The following ATP7B variants were observed in gnomAD, a reference collection of about 807,000 sequenced individuals.
The protein encoded by ATP7B is copper-transporting ATPase 2.
ATP7B carries 113 observed loss-of-function variants against 118.9 expected under a neutral mutation model. The ratio of observed to expected loss-of-function variants is 0.95; its 90% CI spans 0.82 to 1.11. The LOEUF (loss-of-function observed/expected upper bound fraction) is 1.11. Ranked by LOEUF, ATP7B falls within the 50% of genes most tolerant of loss-of-function variation. ATP7B has a pLI of 0.00. For missense variants in ATP7B, 1,867 were observed against 1,871.4 expected, an observed-to-expected ratio of 1.00 and a Z score of 0.04; for synonymous variants, 777 against 727.4, an observed-to-expected ratio of 1.07 and a Z score of -1.10.
intron 1 of ATP7B, among the ~76,000 whole-genome samples, chr13:51,992,443 C>T (rs1952961600): frequency 6.6e-6 from 1 of 152,152 alleles, no homozygotes; most frequent in African/African-American, 2.4e-5. Context: ...ACTGATGATA[C>T]CTACTAAAGT....
intron 1 of ATP7B, among the ~76,000 whole-genome samples, chr13:52,011,084 GT>G (rs1457256066): frequency 6.6e-6 from 1 of 152,224 alleles, no homozygotes; most frequent in African/African-American, 2.4e-5. Flanking sequence ...GAGGTGCGGG[GT>G]TTTCCATTGC....
chr13:51,944,386 G>T, intron 13 of ATP7B, 95 bp from the exon 14 acceptor site: 1 of 1,495,086 alleles, frequency 6.7e-7, no homozygotes, highest in South Asian at 1.2e-5. Flanking sequence ...ACCTGCCTCA[G>T]ACAGGAAACA....
chr13:52,011,223 C>G, intron 1 of ATP7B, 64 bp downstream of exon 1: 1 of 1,613,290 alleles, frequency 6.2e-7, no homozygotes, highest in Non-Finnish European at 8.5e-7. Context: ...GCGCCGAACG[C>G]GGGGAGGAAA....
rs1175007854 is a variant in ATP7B at position 51,933,855 on chromosome 13, T to G, written c.*901A>C. 6.6e-6 allele frequency: 1 copy of G among 152,096 alleles called. No homozygotes were observed. Among genetic ancestry groups the G allele is most frequent in the Non-Finnish European group, 1.5e-5 (1 of 68,104 alleles). The allele number at this position is 152,096 out of a possible 1,614,324, so 9.4% of individuals were successfully genotyped here. A position where few individuals can be genotyped will look rare whatever the true frequency, so the allele number is the denominator to read the frequency against. On this transcript the variant is annotated 3_prime_UTR_variant, in exon 21 of 21. Coordinates refer to ENST00000242839, the MANE Select transcript of ATP7B (RefSeq NM_000053.4). The stretch of plus-strand genomic sequence containing the variant: ...GGCAAACGTTTCAAGCACCACAGGC[T>G]GGGCAGGGATATGGAAGGACGTCCT...
chr13:51,971,962 T>A (rs2140010545), intron 2 of ATP7B, among the ~76,000 whole-genome samples: 1 of 152,362 alleles, frequency 6.6e-6, no homozygotes, highest in East Asian at 1.9e-4. Context: ...CTCCCTACAG[T>A]ACCGAGCTCC....
intron 6 of ATP7B, among the ~76,000 whole-genome samples, chr13:51,961,442 TA>T (rs1223722446): frequency 6.6e-6 from 1 of 152,026 alleles, no homozygotes; most frequent in Non-Finnish European, 1.5e-5. Flanking sequence ...CCCATGCAAA[TA>T]AAGTCTGAAA....
At chr13:51,980,577 A>C (rs1566620969) in intron 1 of ATP7B, among the ~76,000 whole-genome samples, 1 of 152,258 alleles carries the variant, frequency 6.6e-6, no homozygotes, top group Non-Finnish European at 1.5e-5. Context: ...TGAAGAAATC[A>C]GAAACTGGGT....
At chr13:51,937,442 C>T (rs568274359) in intron 18 of ATP7B, 34 bp downstream of exon 18, 1 of 1,614,160 alleles carries the variant, frequency 6.2e-7, no homozygotes, top group Non-Finnish European at 8.5e-7. Flanking sequence ...CATTGCCCTC[C>T]CAGCACCCAC....
chr13:51,957,766 C>T (rs945644559), intron 8 of ATP7B, 159 bp from the exon 9 acceptor site: 8 of 673,958 alleles, frequency 1.2e-5, no homozygotes, highest in Admixed American at 2.1e-5. Flanking sequence ...TTGCTATCCA[C>T]CACACATGGC....
intron 5 of ATP7B, among the ~76,000 whole-genome samples, chr13:51,963,407 T>G (rs1958877679): frequency 6.6e-6 from 1 of 152,150 alleles, no homozygotes; most frequent in Non-Finnish European, 1.5e-5. Flanking sequence ...GGTGGGGCCC[T>G]GGACCATCAG....
At chr13:51,954,120 T>C (rs9535805) in intron 9 of ATP7B, among the ~76,000 whole-genome samples, 1 of 152,134 alleles carries the variant, frequency 6.6e-6, no homozygotes, top group African/African-American at 2.4e-5. Flanking sequence ...GCAACTTCCA[T>C]GCTGAGCCCT....
rs769198765 is a variant in ATP7B, at chr13:51,942,368, G to T, written c.3412+18C>A. Reference sequence around the variant, plus strand: ...ACCTCTACTTTTAACCAGCTGCAGAGACAAAAGCCAGCAATACCTTTTTCT... The same window carrying T: ...ACCTCTACTTTTAACCAGCTGCAGATACAAAAGCCAGCAATACCTTTTTCT... On this transcript the variant is annotated intron_variant, in intron 15 of 20. Coordinates refer to ENST00000242839, the MANE Select transcript of ATP7B (RefSeq NM_000053.4). 11 of 1,613,706 alleles carry T rather than the reference G, an allele frequency of 6.8e-6. No individual in the cohort carries two copies. In the East Asian group the frequency reaches 1.8e-4, roughly 26 times the overall value.
At chr13:51,985,234 A>C (rs1025858419) in intron 1 of ATP7B, among the ~76,000 whole-genome samples, 12 of 152,244 alleles carry the variant, frequency 7.9e-5, no homozygotes, top group African/African-American at 2.4e-5. Context: ...TTTACCAAGC[A>C]AATGGAAAGC....
chr13:51,969,317 C>G (rs1951728102), intron 3 of ATP7B, among the ~76,000 whole-genome samples: 1 of 152,022 alleles, frequency 6.6e-6, no homozygotes, highest in Non-Finnish European at 1.5e-5. Flanking sequence ...CCATCCAGCT[C>G]CCAGGTGATG....
intron 5 of ATP7B, among the ~76,000 whole-genome samples, chr13:51,964,201 A>AT (rs1370359001): frequency 6.6e-6 from 1 of 152,096 alleles, no homozygotes. Context: ...TTCATAAGCG[A>AT]TTTTATAACA....
chr13:51,980,804 T>C (rs1415711335), intron 1 of ATP7B, among the ~76,000 whole-genome samples: 1 of 152,206 alleles, frequency 6.6e-6, no homozygotes, highest in Non-Finnish European at 1.5e-5. Context: ...TCCTCAAGAA[T>C]TCTTTCACTT....
intron 1 of ATP7B, 80 bp downstream of exon 1, chr13:52,011,207 G>A (rs1954017202): frequency 1.9e-6 from 3 of 1,608,608 alleles, no homozygotes; most frequent in South Asian, 1.1e-5. Context: ...CCCTGGGGGC[G>A]AGTAAGCGCC....
intron 14 of ATP7B, among the ~76,000 whole-genome samples, chr13:51,943,566 C>A (rs1957469834): frequency 6.6e-6 from 1 of 152,166 alleles, no homozygotes; most frequent in African/African-American, 2.4e-5. Context: ...CCCCTATATT[C>A]AGACTGAAAT....
chr13:51,934,986 C>T lies in ATP7B; in HGVS notation c.4168G>A (p.Gly1390Ser). 1 of 1,614,062 alleles carries T rather than the reference C, an allele frequency of 6.2e-7. No individual in the cohort carries two copies. The highest frequency in any genetic ancestry group is 8.5e-7 in the Non-Finnish European group (1 of 1,180,038). Residue 1390 changes from glycine (G) to serine (S), a missense_variant, in exon 21 of 21, where the codon GGC becomes AGC. Gly to Ser is a moderately conservative substitution (Grantham distance 56). Transcript: ENST00000242839. The stretch of plus-strand genomic sequence containing the variant: ...GATGCCGTCAGGGGCTTCATGTGGC[C>T]ATGCGCCTGTGCCTCATACCTCTCC... ...DLERYEAQAH[G>S]HMKPLTASQV...
Sources: allele counts gnomAD v4.1 joint callset (sites outside exome capture counted in the v4.1 genomes callset), GRCh38; gene constraint gnomAD v4.1.1; transcripts MANE v1.5; gene names NCBI Gene and HGNC (gene_info 2026-07-23, HGNC 2026-07-21).